CNTNAP2: variants seen among roughly 807,000 people sequenced by gnomAD.
CNTNAP2 encodes contactin associated protein 2.
Under a neutral mutation model 155.2 loss-of-function variants are expected in CNTNAP2, and 98 were observed. The observed-to-expected ratio is 0.63, with a 90% CI of 0.54 to 0.75. The LOEUF is 0.75. CNTNAP2 is among the 30% of genes least tolerant of loss of function. The pLI is 0.00. For synonymous variants in CNTNAP2, 651 were observed against 631.2 expected, an observed-to-expected ratio of 1.03 and a Z score of -0.47; for missense variants, 1,727 against 1,688.1, an observed-to-expected ratio of 1.02 and a Z score of -0.40.
intron 8 of CNTNAP2, among the ~76,000 whole-genome samples, chr7:147,225,886 G>A (rs796286874): frequency 7.5e-6 from 1 of 133,374 alleles, no homozygotes; most frequent in African/African-American, 2.8e-5. Context: ...AAAGAAGGAA[G>A]GAAGGAAGGA....
At chr7:147,106,739 A>T (rs1800774336) in intron 4 of CNTNAP2, among the ~76,000 whole-genome samples, 1 of 152,178 alleles carries the variant, frequency 6.6e-6, no homozygotes, top group African/African-American at 2.4e-5. Context: ...TATGCACAAC[A>T]ATTCACTTTA....
chr7:147,245,010 G>A (rs374174449), intron 8 of CNTNAP2, among the ~76,000 whole-genome samples: 1 of 152,056 alleles, frequency 6.6e-6, no homozygotes, highest in Non-Finnish European at 1.5e-5. Context: ...CACTGAAAAC[G>A]AAATTTCTAG....
At chr7:147,062,255 T>C (rs1017780841) in intron 4 of CNTNAP2, among the ~76,000 whole-genome samples, 3 of 150,338 alleles carry the variant, frequency 2.0e-5, no homozygotes, top group South Asian at 2.1e-4. Flanking sequence ...AAAAGCAGTG[T>C]AATATCAGTA....
At chr7:146,175,366 G>A (rs1013557235) in intron 1 of CNTNAP2, among the ~76,000 whole-genome samples, 2 of 152,196 alleles carry the variant, frequency 1.3e-5, no homozygotes, top group African/African-American at 4.8e-5. Flanking sequence ...TTGAGGAAGT[G>A]AAGGATGAAA....
At chr7:147,579,151 C>A (rs544505417) in intron 12 of CNTNAP2, among the ~76,000 whole-genome samples, 2 of 152,036 alleles carry the variant, frequency 1.3e-5, no homozygotes, top group Non-Finnish European at 2.9e-5. Flanking sequence ...GTGTGATTAA[C>A]AGCAAGCTTC....
intron 13 of CNTNAP2, among the ~76,000 whole-genome samples, chr7:147,760,414 A>G (rs1797281582): frequency 6.6e-6 from 1 of 152,218 alleles, no homozygotes; most frequent in Admixed American, 6.5e-5. Context: ...TTAGTCTTCA[A>G]CATTCTCACA....
Position 146,682,815 on chromosome 7 carries a change from A to G in CNTNAP2, c.98-91456A>G, listed in dbSNP as rs368040537. ...TTAATAGATAAGGAAGAAAAATTCA[A>G]TATTAAAGACCTTCTTTTGTACCCA... On this transcript the variant is annotated intron_variant, in intron 1 of 23. Coordinates refer to ENST00000361727, the MANE Select transcript of CNTNAP2 (RefSeq NM_014141.6). Among the ~76,000 whole-genome samples the G allele has an allele frequency of 1.5e-3, 231 of 152,338 alleles. 2 individuals are homozygous for G. Among genetic ancestry groups the G allele is most frequent in the Admixed American group, 4.6e-3 (70 of 15,300 alleles).
At chr7:147,274,683 T>A (rs1206239435) in intron 8 of CNTNAP2, among the ~76,000 whole-genome samples, 1 of 152,172 alleles carries the variant, frequency 6.6e-6, no homozygotes, top group East Asian at 1.9e-4. Context: ...TTTAATTGCA[T>A]GTTATTTGTC....
intron 15 of CNTNAP2, among the ~76,000 whole-genome samples, chr7:148,089,709 A>G (rs912402155): frequency 6.6e-6 from 1 of 151,736 alleles, no homozygotes; most frequent in East Asian, 1.9e-4. Flanking sequence ...ATTCAGTACT[A>G]CCCAAAGTGA....
At chr7:146,283,579 T>C (rs1228337347) in intron 1 of CNTNAP2, among the ~76,000 whole-genome samples, 2 of 152,200 alleles carry the variant, frequency 1.3e-5, no homozygotes, top group African/African-American at 2.4e-5. Context: ...ATTTGTTTTA[T>C]TGGCAATTCT....
chr7:147,708,572 T>A (rs764712740), intron 13 of CNTNAP2, among the ~76,000 whole-genome samples: 11 of 152,046 alleles, frequency 7.2e-5, no homozygotes, highest in Non-Finnish European at 1.5e-4. Flanking sequence ...CCTTGCAGCT[T>A]CCTATGTTAG....
intron 8 of CNTNAP2, among the ~76,000 whole-genome samples, chr7:147,160,786 A>T (rs567081370): frequency 6.6e-6 from 1 of 152,298 alleles, no homozygotes; most frequent in Non-Finnish European, 1.5e-5. Flanking sequence ...ATTAAAGATG[A>T]AAAGTAATGC....
chr7:148,355,374 A>G (rs1260720400), intron 21 of CNTNAP2, among the ~76,000 whole-genome samples: 1 of 151,574 alleles, frequency 6.6e-6, no homozygotes, highest in African/African-American at 2.4e-5. Context: ...GATCAGTATT[A>G]ATTGCATTAA....
chr7:147,008,139 A>C (rs913874717), intron 3 of CNTNAP2, among the ~76,000 whole-genome samples: 1 of 152,094 alleles, frequency 6.6e-6, no homozygotes, highest in South Asian at 2.1e-4. Flanking sequence ...TTTTTTTAGG[A>C]TCCATTAGCA....
intron 10 of CNTNAP2, among the ~76,000 whole-genome samples, chr7:147,475,381 A>G (rs1386001024): frequency 6.6e-6 from 1 of 152,190 alleles, no homozygotes; most frequent in Non-Finnish European, 1.5e-5. Flanking sequence ...GAGATGTTCA[A>G]TGAATCTCAT....
intron 14 of CNTNAP2, among the ~76,000 whole-genome samples, chr7:147,972,573 C>A (rs550200518): frequency 1.3e-5 from 2 of 152,166 alleles, no homozygotes; most frequent in African/African-American, 4.8e-5. Context: ...ATAACAGTAA[C>A]ACCAGGTTAG....
chr7:146,240,869 A>C (rs1322671052), intron 1 of CNTNAP2, among the ~76,000 whole-genome samples: 1 of 152,166 alleles, frequency 6.6e-6, no homozygotes, highest in African/African-American at 2.4e-5. Context: ...AAATAGGTTT[A>C]ATTGGCTCAT....
At chr7:147,543,721 T>C (rs2116749749) in intron 11 of CNTNAP2, among the ~76,000 whole-genome samples, 1 of 152,310 alleles carries the variant, frequency 6.6e-6, no homozygotes, top group Admixed American at 6.5e-5. Context: ...ATATGAAGCT[T>C]AACCCTCACT....
At chr7:147,157,514 C>A (rs965054396) in intron 8 of CNTNAP2, among the ~76,000 whole-genome samples, 22 of 152,104 alleles carry the variant, frequency 1.4e-4, no homozygotes, top group African/African-American at 5.1e-4. Flanking sequence ...GGTGCTTCCT[C>A]AAAGACACTC....
Sources: gnomAD v4.1 joint callset for allele counts (sites outside exome capture counted in the v4.1 genomes callset) on GRCh38, gnomAD v4.1.1 for gene constraint, MANE v1.5 for transcripts, NCBI Gene and HGNC (gene_info 2026-07-23, HGNC 2026-07-21) for gene names.